The following NTM variants were observed in gnomAD, a reference collection of about 807,000 sequenced individuals.
The protein encoded by NTM is IgLON family member 2.
NTM carries 13 observed loss-of-function variants against 42.1 expected under a neutral mutation model. The observed-to-expected ratio is 0.31, with a 90% CI of 0.20 to 0.49. The LOEUF (loss-of-function observed/expected upper bound fraction) is 0.49. Ranked by LOEUF, NTM falls within the 20% of genes least tolerant of loss-of-function variation. The pLI is 0.99. For missense variants in NTM, 373 were observed against 452.8 expected (o/e 0.82, Z 1.60); for synonymous variants, 187 against 179.2 (o/e 1.04, Z -0.35).
intron 4 of NTM, among the ~76,000 whole-genome samples, chr11:132,297,864 CA>C (rs2094683097): frequency 6.6e-6 from 1 of 152,162 alleles, no homozygotes; most frequent in Admixed American, 6.5e-5. Flanking sequence ...TTAAGGAAAA[CA>C]CACACCAATG....
chr11:132,286,394 T>C (rs2094231234), intron 4 of NTM, among the ~76,000 whole-genome samples: 5 of 152,132 alleles, frequency 3.3e-5, no homozygotes, highest in Admixed American at 3.3e-4. Flanking sequence ...TGGCCCTTTC[T>C]TGGAAGAGGA....
intron 1 of NTM, among the ~76,000 whole-genome samples, chr11:131,554,395 C>A (rs1276508219): frequency 6.6e-6 from 1 of 152,046 alleles, no homozygotes; most frequent in Non-Finnish European, 1.5e-5. Context: ...ATCAGCTGAT[C>A]AAAAATACAG....
chr11:131,910,898 C>G (rs1220706687), intron 1 of NTM: 1 of 986,096 alleles, frequency 1.0e-6, no homozygotes. Context: ...TCGCACGAAG[C>G]CCGCGCGGCC....
At chr11:131,835,649 T>C (rs2043392052) in intron 1 of NTM, among the ~76,000 whole-genome samples, 1 of 152,148 alleles carries the variant, frequency 6.6e-6, no homozygotes, top group Non-Finnish European at 1.5e-5. Context: ...GAAACCTAAT[T>C]GGTACAAACA....
At chr11:131,694,299 T>G (rs376874728) in intron 1 of NTM, among the ~76,000 whole-genome samples, 1 of 152,234 alleles carries the variant, frequency 6.6e-6, no homozygotes, top group African/African-American at 2.4e-5. Flanking sequence ...CTACTCTTCC[T>G]CTAGTTCTCA....
At chr11:132,202,714 C>G (rs1487559083) in intron 3 of NTM, among the ~76,000 whole-genome samples, 1 of 152,194 alleles carries the variant, frequency 6.6e-6, no homozygotes, top group Non-Finnish European at 1.5e-5. Context: ...ACTGCACTCT[C>G]TTATGTCTCC....
intron 2 of NTM, among the ~76,000 whole-genome samples, chr11:132,121,388 A>G (rs2136929845): frequency 6.6e-6 from 1 of 152,308 alleles, no homozygotes; most frequent in Middle Eastern, 3.4e-3. Context: ...AAAATACTGA[A>G]AAAAAATATG....
intron 1 of NTM, among the ~76,000 whole-genome samples, chr11:131,544,234 A>AT (rs2053636071): frequency 6.6e-6 from 1 of 152,152 alleles, no homozygotes; most frequent in South Asian, 2.1e-4. Context: ...TTTAAAAAAT[A>AT]TTTTTTCCAA....
intron 1 of NTM, among the ~76,000 whole-genome samples, chr11:131,805,882 A>T (rs1349300209): frequency 6.6e-6 from 1 of 152,230 alleles, no homozygotes; most frequent in African/African-American, 2.4e-5. Flanking sequence ...TTTAAAAAAG[A>T]ATATAGTTTT....
chr11:132,044,955 A>C (rs1231970578), intron 2 of NTM, among the ~76,000 whole-genome samples: 1 of 152,202 alleles, frequency 6.6e-6, no homozygotes, highest in Non-Finnish European at 1.5e-5. Context: ...GGTACAAAGA[A>C]GAGATAGTAC....
chr11:131,393,757 A>G (rs1347034388), intron 1 of NTM, among the ~76,000 whole-genome samples: 1 of 152,144 alleles, frequency 6.6e-6, no homozygotes, highest in Non-Finnish European at 1.5e-5. Flanking sequence ...ACTTTTCTCT[A>G]GTGGCATGTG....
At position 132,068,242 on chromosome 11, in the gene NTM, C is replaced by T. The variant is rs78603258; in HGVS notation, c.168-78040C>T. ...TTTCTAAATCAAGGGTCTTTTTTTGCGTAACACTTCTTTCCTCAATTAATC... is the reference window on the plus strand; with the variant it reads ...TTTCTAAATCAAGGGTCTTTTTTTGTGTAACACTTCTTTCCTCAATTAATC... On this transcript the variant is annotated intron_variant, in intron 2 of 8. Coordinates refer to ENST00000683400, the MANE Select transcript of NTM (RefSeq NM_001352005.2). Among the ~76,000 whole-genome samples, 812 of 152,166 alleles carry T rather than the reference C, an allele frequency of 5.3e-3. 7 individuals are homozygous for T. The highest frequency in any genetic ancestry group is 0.018 in the African/African-American group (744 of 41,522).
intron 1 of NTM, among the ~76,000 whole-genome samples, chr11:131,834,885 T>C (rs1372180830): frequency 6.6e-6 from 1 of 152,032 alleles, no homozygotes; most frequent in East Asian, 1.9e-4. Flanking sequence ...GTCTAACAAG[T>C]ACAGTGGAGT....
intron 1 of NTM, among the ~76,000 whole-genome samples, chr11:131,902,650 G>A (rs141814260): frequency 2.4e-3 from 358 of 152,242 alleles, no homozygotes; most frequent in Non-Finnish European, 4.2e-3. Context: ...AACTGGTATG[G>A]TGTGTCTGTA....
At chr11:132,026,520 T>C (rs2075200377) in intron 2 of NTM, among the ~76,000 whole-genome samples, 2 of 152,150 alleles carry the variant, frequency 1.3e-5, no homozygotes, top group Non-Finnish European at 2.9e-5. Flanking sequence ...TCATCAGAGG[T>C]ATTTTTTTTC....
intron 1 of NTM, among the ~76,000 whole-genome samples, chr11:131,824,961 G>A (rs1040988251): frequency 7.2e-5 from 11 of 152,134 alleles, no homozygotes; most frequent in African/African-American, 2.7e-4. Context: ...TGCTAGGGCT[G>A]CTGTAGTAAA....
intron 1 of NTM, among the ~76,000 whole-genome samples, chr11:131,731,091 C>T (rs1046024834): frequency 6.6e-6 from 1 of 151,990 alleles, no homozygotes; most frequent in African/African-American, 2.4e-5. Flanking sequence ...GCTATAAAAA[C>T]CCTACAATTT....
At chr11:132,075,641 A>T (rs1018877843) in intron 2 of NTM, among the ~76,000 whole-genome samples, 1 of 152,212 alleles carries the variant, frequency 6.6e-6, no homozygotes, top group African/African-American at 2.4e-5. Flanking sequence ...CCTGGAGAGT[A>T]TAGATAATTG....
intron 4 of NTM, among the ~76,000 whole-genome samples, chr11:132,257,664 C>T (rs949786708): frequency 2.2e-4 from 33 of 152,168 alleles, no homozygotes; most frequent in African/African-American, 7.5e-4. Context: ...TCTTTCAATC[C>T]CCAGATTCTC....
Sources: allele counts gnomAD v4.1 joint callset (sites outside exome capture counted in the v4.1 genomes callset), GRCh38; gene constraint gnomAD v4.1.1; transcripts MANE v1.5; gene names NCBI Gene and HGNC (gene_info 2026-07-23, HGNC 2026-07-21).